The following CTNNA2 variants were observed in gnomAD, a reference collection of about 807,000 sequenced individuals.
CTNNA2 encodes catenin alpha-2.
Under a neutral mutation model 101.0 loss-of-function variants are expected in CTNNA2, and 42 were observed. That is an observed-to-expected ratio of 0.42 (90% CI 0.32 to 0.54). The LOEUF is 0.54. Ranked by LOEUF, CTNNA2 falls within the 20% of genes least tolerant of loss-of-function variation. The probability of loss-of-function intolerance (pLI) is 0.14; values close to 1 mark genes in which losing one functional copy is unlikely to be tolerated. For synonymous variants in CTNNA2, 450 were observed against 456.4 expected (o/e 0.99, Z 0.18); for missense variants, 871 against 1,223.1 (o/e 0.71, Z 4.29).
At chr2:79,369,499 C>T (rs1677823268) in intron 3 of CTNNA2, among the ~76,000 whole-genome samples, 1 of 152,138 alleles carries the variant, frequency 6.6e-6, no homozygotes, top group Non-Finnish European at 1.5e-5. Flanking sequence ...CCCCTGTCTC[C>T]GGCCCATTGT....
chr2:79,809,291 T>C (rs1365240772), intron 3 of CTNNA2, among the ~76,000 whole-genome samples: 1 of 152,230 alleles, frequency 6.6e-6, no homozygotes, highest in Admixed American at 6.5e-5. Flanking sequence ...TTATAATCCT[T>C]TGGGTATACA....
chr2:79,584,520 C>CTTTTTTTTTTTTTTTTTTTTTTT (rs558450184), intron 1 of CTNNA2, among the ~76,000 whole-genome samples: 3 of 134,132 alleles, frequency 2.2e-5, no homozygotes, highest in Admixed American at 7.4e-5. Context: ...GGTAGATTTT[C>CTTTTTTTTTTTTTTTTTTTTTTT]TTTTTTTTTT....
chr2:80,230,896 T>C (rs1709171156), intron 7 of CTNNA2, among the ~76,000 whole-genome samples: 1 of 152,190 alleles, frequency 6.6e-6, no homozygotes, highest in African/African-American at 2.4e-5. Context: ...ATCTTACTTT[T>C]AGCCAAATTC....
chr2:79,442,266 CA>C (rs1305181156), intron 4 of CTNNA2, among the ~76,000 whole-genome samples: 4 of 152,018 alleles, frequency 2.6e-5, no homozygotes, highest in Non-Finnish European at 5.9e-5. Flanking sequence ...TTTTGTTTCC[CA>C]TAAACTCTTG....
Position 80,576,787 on chromosome 2 carries a change from GA to G in CTNNA2, c.1893+2494del, listed in dbSNP as rs1292269180. ...AACATGGTGAAACCCTGTCTCTACTGAAAAAAAAAAAAAAAAAAAAATACAA... is the reference window on the plus strand; with the variant it reads ...AACATGGTGAAACCCTGTCTCTACTGAAAAAAAAAAAAAAAAAAAATACAA... On this transcript the variant is annotated intron_variant, in intron 13 of 18. Transcript: ENST00000402739. Among the ~76,000 whole-genome samples the G allele has an allele frequency of 2.4e-3, 296 of 123,126 alleles. 2 individuals are homozygous for G. Among genetic ancestry groups the G allele is most frequent in the African/African-American group, 8.3e-3 (259 of 31,278 alleles). 80.8% of individuals were successfully genotyped at this position (123,126 alleles called of 152,430 possible). A position where few individuals can be genotyped will look rare whatever the true frequency, so the allele number is the denominator to read the frequency against.
At chr2:79,289,106 A>G (rs1047619565) in intron 2 of CTNNA2, among the ~76,000 whole-genome samples, 1 of 152,180 alleles carries the variant, frequency 6.6e-6, no homozygotes, top group Admixed American at 6.5e-5. Flanking sequence ...TACAAGTCTG[A>G]GAGAATCTAT....
At chr2:79,632,316 G>A (rs1197175911) in intron 1 of CTNNA2, among the ~76,000 whole-genome samples, 1 of 152,102 alleles carries the variant, frequency 6.6e-6, no homozygotes, top group Non-Finnish European at 1.5e-5. Context: ...AAAATTGTGT[G>A]CATAGACAAC....
intron 2 of CTNNA2, among the ~76,000 whole-genome samples, chr2:79,251,050 C>T (rs896420272): frequency 3.9e-5 from 6 of 152,136 alleles, no homozygotes; most frequent in African/African-American, 1.2e-4. Flanking sequence ...TCTGGCACTT[C>T]CTACAGGTTC....
chr2:80,567,353 ACTT>A (rs140181420), intron 12 of CTNNA2, among the ~76,000 whole-genome samples: 5,082 of 152,210 alleles, frequency 0.033, 313 homozygotes, highest in African/African-American at 0.12. Context: ...GGTAGTTTCT[ACTT>A]CTACATTGAC....
intron 4 of CTNNA2, among the ~76,000 whole-genome samples, chr2:79,461,894 C>G (rs1670883394): frequency 6.6e-6 from 1 of 151,750 alleles, no homozygotes; most frequent in African/African-American, 2.4e-5. Context: ...AGCTTAAGAA[C>G]TAACAATACT....
At chr2:79,186,433 T>A (rs757616359) in intron 1 of CTNNA2, among the ~76,000 whole-genome samples, 1 of 152,222 alleles carries the variant, frequency 6.6e-6, no homozygotes, top group Admixed American at 6.5e-5. Context: ...GAATGTCTGC[T>A]GTATCCTGAA....
chr2:80,007,356 T>C (rs1693445798), intron 7 of CTNNA2, among the ~76,000 whole-genome samples: 1 of 152,214 alleles, frequency 6.6e-6, no homozygotes, highest in African/African-American at 2.4e-5. Flanking sequence ...CTACTCTAAC[T>C]TGAAGATATT....
At chr2:79,996,833 A>T (rs990156239) in intron 7 of CTNNA2, among the ~76,000 whole-genome samples, 6 of 152,156 alleles carry the variant, frequency 3.9e-5, no homozygotes, top group Non-Finnish European at 8.8e-5. Flanking sequence ...GCTCAGAAAC[A>T]TCCAAGGCAG....
At chr2:80,167,493 C>G (rs1051408615) in intron 7 of CTNNA2, among the ~76,000 whole-genome samples, 1 of 151,984 alleles carries the variant, frequency 6.6e-6, no homozygotes, top group Non-Finnish European at 1.5e-5. Flanking sequence ...AATGGGAGGA[C>G]TTTTGAAAAA....
At chr2:79,247,430 G>A (rs1433002462) in intron 2 of CTNNA2, among the ~76,000 whole-genome samples, 1 of 152,170 alleles carries the variant, frequency 6.6e-6, no homozygotes, top group Non-Finnish European at 1.5e-5. Flanking sequence ...ATAATGATGT[G>A]AATACCTTCA....
chr2:79,968,138 C>T (rs1690208766), intron 7 of CTNNA2, among the ~76,000 whole-genome samples: 1 of 151,356 alleles, frequency 6.6e-6, no homozygotes, highest in East Asian at 1.9e-4. Context: ...GGTGGTTGCA[C>T]AAAATTGTGA....
At chr2:80,475,652 A>C (rs950387473) in intron 9 of CTNNA2, among the ~76,000 whole-genome samples, 2 of 152,134 alleles carry the variant, frequency 1.3e-5, no homozygotes, top group Non-Finnish European at 2.9e-5. Flanking sequence ...ATTCTTTGAC[A>C]TGATGACTTT....
chr2:79,433,818 A>G (rs1427204730), intron 4 of CTNNA2, among the ~76,000 whole-genome samples: 2 of 152,210 alleles, frequency 1.3e-5, no homozygotes, highest in Non-Finnish European at 2.9e-5. Flanking sequence ...TTTAAATTCC[A>G]TAAATGCAAG....
chr2:80,360,922 TTTA>T (rs35377852), intron 7 of CTNNA2, among the ~76,000 whole-genome samples: 4,394 of 152,114 alleles, frequency 0.029, 115 homozygotes, highest in African/African-American at 0.065. Flanking sequence ...TTAATTTGTG[TTTA>T]TTATTATTAA....
Sources: gnomAD v4.1 joint callset for allele counts (sites outside exome capture counted in the v4.1 genomes callset) on GRCh38, gnomAD v4.1.1 for gene constraint, MANE v1.5 for transcripts, NCBI Gene and HGNC (gene_info 2026-07-23, HGNC 2026-07-21) for gene names.